Variants in LRRC37A observed in about 807,000 individuals in gnomAD.
The protein encoded by LRRC37A is leucine rich repeat containing 37A.
In LRRC37A, 3 loss-of-function variants were observed where a neutral mutation model predicts 35.4. The observed-to-expected ratio is 0.08, with a 90% CI of 0.04 to 0.22. The LOEUF (loss-of-function observed/expected upper bound fraction) is 0.22. Ranked by LOEUF, LRRC37A falls within the 10% of genes least tolerant of loss-of-function variation. The pLI, the probability that LRRC37A is intolerant of heterozygous loss-of-function variation, is 1.00. For synonymous variants in LRRC37A, 23 were observed against 215.0 expected (o/e 0.11, Z 7.81); for missense variants, 67 against 565.3 (o/e 0.12, Z 8.94).
chr17:46,333,150 T>G (rs2052105529), intron 10 of LRRC37A, among the ~76,000 whole-genome samples: 1 of 108,312 alleles, frequency 9.2e-6, no homozygotes, highest in Admixed American at 9.5e-5. Flanking sequence ...AGGCATTGTC[T>G]AAATAGGTCC....
At chr17:46,279,380 T>C in the LRRC37A span, among the ~76,000 whole-genome samples, 15,811 of 147,962 alleles carry the variant, frequency 0.11, no homozygotes, top group Middle Eastern at 0.16. Context: ...GACGAGGTTT[T>C]GCCATGTTGT....
the LRRC37A span, chr17:46,268,391 C>A: frequency 2.3e-6 from 2 of 870,596 alleles, no homozygotes; most frequent in Non-Finnish European, 3.1e-6. Flanking sequence ...TCAGTTTCAA[C>A]TTGTGCAGCA....
At chr17:46,289,366 G>T (rs1318230704), upstream of LRRC37A, among the ~76,000 whole-genome samples, 1 of 129,458 alleles carries the variant, frequency 7.7e-6, no homozygotes, top group Non-Finnish European at 1.9e-5. Context: ...TAGAGATGGA[G>T]TCTTGCTGTG....
the LRRC37A span, among the ~76,000 whole-genome samples, chr17:46,263,090 G>A: frequency 6.6e-6 from 1 of 151,986 alleles, no homozygotes; most frequent in African/African-American, 2.4e-5. Flanking sequence ...GTGGGTACCT[G>A]TAGTCCCAGC....
chr17:46,282,833 T>TG, the LRRC37A span, among the ~76,000 whole-genome samples: 1 of 152,276 alleles, frequency 6.6e-6, no homozygotes, highest in East Asian at 1.9e-4. Flanking sequence ...AAGATCACTG[T>TG]GGGGGCTGGG....
At chr17:46,278,812 T>G in the LRRC37A span, among the ~76,000 whole-genome samples, 1 of 152,048 alleles carries the variant, frequency 6.6e-6, no homozygotes, top group Non-Finnish European at 1.5e-5. Context: ...TTTTATTTTT[T>G]TTGACACGGA....
the LRRC37A span, among the ~76,000 whole-genome samples, chr17:46,271,171 T>C: frequency 1.3e-5 from 2 of 150,532 alleles, no homozygotes; most frequent in Non-Finnish European, 3.0e-5. Context: ...TTTCTTTTTT[T>C]TTTTTTTTTT....
the LRRC37A span, among the ~76,000 whole-genome samples, chr17:46,252,346 A>T: frequency 2.0e-5 from 3 of 148,302 alleles, no homozygotes; most frequent in Non-Finnish European, 4.5e-5. Context: ...CTGGAAATAC[A>T]GGCGCGTGCC....
chr17:46,271,548 T>G, the LRRC37A span, among the ~76,000 whole-genome samples: 6 of 152,154 alleles, frequency 3.9e-5, no homozygotes, highest in Admixed American at 2.6e-4. Flanking sequence ...TCTAACTAAG[T>G]GTGCAGAGAT....
chr17:46,291,207 C>T (rs187963894), upstream of LRRC37A, among the ~76,000 whole-genome samples: 870 of 152,302 alleles, frequency 5.7e-3, 13 homozygotes, highest in African/African-American at 0.02. Flanking sequence ...CATCGTGGGA[C>T]GGATTTTGGG....
At chr17:46,261,902 G>A in the LRRC37A span, among the ~76,000 whole-genome samples, 5 of 152,112 alleles carry the variant, frequency 3.3e-5, no homozygotes, top group Non-Finnish European at 7.3e-5. Flanking sequence ...TTAAAAATGT[G>A]CAGAGCATAC....
chr17:46,263,968 A>G, the LRRC37A span, among the ~76,000 whole-genome samples: 1 of 152,188 alleles, frequency 6.6e-6, no homozygotes, highest in Non-Finnish European at 1.5e-5. Flanking sequence ...AAGTGCTGGG[A>G]TTACTGGTGT....
chr17:46,249,895 C>A, the LRRC37A span, among the ~76,000 whole-genome samples: 1 of 152,224 alleles, frequency 6.6e-6, no homozygotes, highest in African/African-American at 2.4e-5. Flanking sequence ...ACCTCCACCT[C>A]CCGGGTTCAA....
the LRRC37A span, among the ~76,000 whole-genome samples, chr17:46,285,499 A>G: frequency 2.0e-5 from 3 of 150,964 alleles, no homozygotes; most frequent in Non-Finnish European, 4.4e-5. Context: ...CTCAGCCCCC[A>G]CAAAGTGCTG....
the LRRC37A span, among the ~76,000 whole-genome samples, chr17:46,287,272 A>C: frequency 6.6e-6 from 1 of 152,278 alleles, no homozygotes; most frequent in African/African-American, 2.4e-5. Flanking sequence ...CTTCCTCTGA[A>C]TGAATGTGTG....
chr17:46,275,599 G>C, the LRRC37A span, among the ~76,000 whole-genome samples: 2 of 152,188 alleles, frequency 1.3e-5, no homozygotes, highest in African/African-American at 4.8e-5. Flanking sequence ...ACTTTTCACT[G>C]TACACTAAGC....
At chr17:46,274,940 T>G in the LRRC37A span, 1 of 153,304 alleles carries the variant, frequency 6.5e-6, no homozygotes, top group African/African-American at 2.4e-5. Flanking sequence ...TCACCCAGGC[T>G]GGAGTGCAAT....
chr17:46,314,650 AAAC>A (rs1207100633), intron 5 of LRRC37A, among the ~76,000 whole-genome samples: 3 of 73,576 alleles, frequency 4.1e-5, no homozygotes, highest in Admixed American at 2.9e-4. Context: ...TCACTCAAAA[AAAC>A]AACAATTGTA....
chr17:46,286,221 T>C, the LRRC37A span, among the ~76,000 whole-genome samples: 2 of 152,386 alleles, frequency 1.3e-5, no homozygotes, highest in Admixed American at 6.5e-5. Flanking sequence ...TTTAATACTT[T>C]CAAGATCGAC....
Sources: gnomAD v4.1 joint callset for allele counts (sites outside exome capture counted in the v4.1 genomes callset) on GRCh38, gnomAD v4.1.1 for gene constraint, MANE v1.5 for transcripts, NCBI Gene and HGNC (gene_info 2026-07-23, HGNC 2026-07-21) for gene names.